LAMTOR2: variants seen among roughly 807,000 people sequenced by gnomAD.
The protein encoded by LAMTOR2 is ragulator complex protein LAMTOR2.
A neutral mutation model predicts 15.8 loss-of-function variants in LAMTOR2; 4 were observed. The ratio of observed to expected loss-of-function variants is 0.25; its 90% confidence interval spans 0.12 to 0.58. The LOEUF is 0.58. Ranked by LOEUF, LAMTOR2 falls within the 20% of genes least tolerant of loss-of-function variation. The pLI, the probability that LAMTOR2 is intolerant of heterozygous loss-of-function variation, is 0.91. For missense variants in LAMTOR2, 100 were observed against 161.0 expected, an observed-to-expected ratio of 0.62 and a Z score of 2.05; for synonymous variants, 62 against 64.1, an observed-to-expected ratio of 0.97 and a Z score of 0.15.
rs984790279 is a variant in LAMTOR2, at chr1:156,056,600, G to A, written c.231+1175G>A. On this transcript the variant is annotated intron_variant, in intron 2 of 3. Coordinates refer to ENST00000368305, the MANE Select transcript of LAMTOR2 (RefSeq NM_014017.4). ...CTGGAGTTACGTGAGATGGAGGAGG[G>A]TAGTAGGAGATGAGGTCAGAGAGGC... is the stretch of plus-strand genomic sequence containing the variant. Among the ~76,000 whole-genome samples the A allele has an allele frequency of 3.9e-5, 6 of 152,292 alleles. No individual in the cohort carries two copies. In the East Asian group the frequency reaches 1.2e-3, roughly 29 times the overall value.
At chr1:156,057,451 T>A (rs939855375) in intron 2 of LAMTOR2, among the ~76,000 whole-genome samples, 3 of 152,156 alleles carry the variant, frequency 2.0e-5, no homozygotes, top group Non-Finnish European at 4.4e-5. Flanking sequence ...CTTTTCCTAC[T>A]ACATGTAATA....
Position 156,058,409 on chromosome 1 carries a change from A to G in LAMTOR2, c.*38A>G, listed in dbSNP as rs1647443408. The G allele has an allele frequency of 1.2e-6, 2 of 1,612,492 alleles. No homozygotes were observed. The highest frequency in any genetic ancestry group is 1.7e-5 in the Admixed American group (1 of 59,960). ...AAGCTGGGGTCAGAAAAGAGAAATG[A>G]CCATTTGGAGGGGCGGGGCCTCCTA... On this transcript the variant is annotated 3_prime_UTR_variant, in exon 4 of 4. Transcript: ENST00000368305.
Position 156,054,860 on chromosome 1 carries a change from T to A in LAMTOR2, c.-30T>A. ...GCGGGAGGCACCTCGGAGATCTGGG[T>A]GCAAAAGCCCAGGGTTAGGAACCGT... On this transcript the variant is annotated 5_prime_UTR_variant, in exon 1 of 4. Coordinates refer to ENST00000368305, the MANE Select transcript of LAMTOR2 (RefSeq NM_014017.4). 1 of 1,610,402 alleles carries A rather than the reference T, an allele frequency of 6.2e-7. No individual in the cohort carries two copies.
In LAMTOR2 at chr1:156,058,062, G is replaced by A; in HGVS notation, c.316G>A (p.Ala106Thr). The A allele has an allele frequency of 6.2e-7, 1 of 1,614,128 alleles. No homozygotes were observed. Among genetic ancestry groups the A allele is most frequent in the Non-Finnish European group, 8.5e-7 (1 of 1,179,998 alleles). Residue 106 changes from alanine (A) to threonine (T), a missense_variant, in exon 3 of 4, where the codon GCC (alanine) becomes ACC (threonine). Physicochemically the swap from Ala to Thr is moderately conservative, Grantham distance 58. Transcript: ENST00000368305. ...KETVGFGMLK[A>T]KAQALVQYLE... ...GACCGTGGGCTTTGGAATGCTCAAG[G>A]CCAAGGTGTGTATGTGCCCATCCCT...
At position 156,055,016 on chromosome 1, in the gene LAMTOR2, C is replaced by G; in HGVS notation, c.68+59C>G. On this transcript the variant is annotated intron_variant, in intron 1 of 3. Transcript: ENST00000368305. This position sits in a 1 kb window ranked among gnomAD's most constrained non-coding sequence, Gnocchi z 4.8. ...CTGCAGTGGGGCGGCGCGCGGCTCC[C>G]TGAGGGAGGGGTGGGGAAGGATCAC... is the stretch of plus-strand genomic sequence containing the variant. 6.4e-7 allele frequency: 1 copy of G among 1,554,936 alleles called. No homozygotes were observed.
chr1:156,057,825 G>T (rs1183790419), intron 2 of LAMTOR2, among the ~76,000 whole-genome samples, 153 bp from the exon 3 acceptor site: 1 of 152,150 alleles, frequency 6.6e-6, no homozygotes, highest in Non-Finnish European at 1.5e-5. Flanking sequence ...CCATGTTCAG[G>T]GCTGTGGCCA....
Position 156,058,190 on chromosome 1 carries a change from G to A in LAMTOR2, c.321+123G>A, listed in dbSNP as rs1156319009. ...TCTACTCAGTCCATTTCTGGTGTGGGCCAGCTCCCAAGAGCAGGTGGGGGT... is the reference window on the plus strand; with the variant it reads ...TCTACTCAGTCCATTTCTGGTGTGGACCAGCTCCCAAGAGCAGGTGGGGGT... On this transcript the variant is annotated intron_variant, in intron 3 of 3. Coordinates refer to ENST00000368305, the MANE Select transcript of LAMTOR2 (RefSeq NM_014017.4). 3.3e-6 allele frequency: 5 copies of A among 1,501,448 alleles called. No homozygotes were observed. In the South Asian group the frequency reaches 5.6e-5, roughly 17 times the overall value. The allele number at this position is 1,501,448 out of a possible 1,614,324, so 93.0% of individuals were successfully genotyped here.
intron 2 of LAMTOR2, among the ~76,000 whole-genome samples, chr1:156,056,343 A>T (rs1647364661): frequency 6.6e-6 from 1 of 152,196 alleles, no homozygotes; most frequent in African/African-American, 2.4e-5. Context: ...TATATTAGGT[A>T]TTGAAAATGC....
At chr1:156,057,252 G>A (rs964769369) in intron 2 of LAMTOR2, among the ~76,000 whole-genome samples, 1 of 151,758 alleles carries the variant, frequency 6.6e-6, no homozygotes, top group African/African-American at 2.4e-5. Context: ...CAACACTTTG[G>A]GAGGCTGAGG....
At chr1:156,057,309 C>T (rs1647406771) in intron 2 of LAMTOR2, among the ~76,000 whole-genome samples, 1 of 151,656 alleles carries the variant, frequency 6.6e-6, no homozygotes, top group Non-Finnish European at 1.5e-5. Flanking sequence ...CCTTGGTGAC[C>T]TAATAAGACC....
Position 156,055,822 on chromosome 1 carries a change from G to A in LAMTOR2, c.231+397G>A, listed in dbSNP as rs981298102. 2.8e-5 allele frequency: 7 copies of A among 251,326 alleles called. No individual in the cohort carries two copies. Among genetic ancestry groups the A allele is most frequent in the African/African-American group, 6.6e-5 (3 of 45,734 alleles). The allele number at this position is 251,326 out of a possible 1,614,324, so 15.6% of individuals were successfully genotyped here. A position where few individuals can be genotyped will look rare whatever the true frequency, so the allele number is the denominator to read the frequency against. ...GTAGAATGACGTGCAAACACAAAGTGTTGTCATCCCAGTTTCACCGACTCA... is the reference window on the plus strand; with the variant it reads ...GTAGAATGACGTGCAAACACAAAGTATTGTCATCCCAGTTTCACCGACTCA... On this transcript the variant is annotated intron_variant, in intron 2 of 3. Transcript: ENST00000368305. This position sits in a 1 kb window ranked among gnomAD's most constrained non-coding sequence, Gnocchi z 4.8.
chr1:156,055,472 C>G lies in LAMTOR2; in HGVS notation c.231+47C>G. On this transcript the variant is annotated intron_variant, in intron 2 of 3. Coordinates refer to ENST00000368305, the MANE Select transcript of LAMTOR2 (RefSeq NM_014017.4). The surrounding 1 kb of genome is among the most constrained non-coding windows in gnomAD (Gnocchi z 4.8). ...TTCCCCTGTCCCCCAAAGGGGATCC[C>G]AAGGGGGCGACCTGGACCCCATCCT... 1 of 1,609,470 alleles carries G rather than the reference C, an allele frequency of 6.2e-7. No homozygotes were observed. The highest frequency in any genetic ancestry group is 8.5e-7 in the Non-Finnish European group (1 of 1,176,280).
chr1:156,054,992 T>G, intron 1 of LAMTOR2, 35 bp downstream of exon 1: 1 of 1,599,090 alleles, frequency 6.3e-7, no homozygotes, highest in Non-Finnish European at 8.5e-7. Context: ...CGGCGAGCGC[T>G]GCAGTGGGGC....
Position 156,055,186 on chromosome 1 carries a change from G to T in LAMTOR2, c.69-77G>T, listed in dbSNP as rs1647297167. On this transcript the variant is annotated intron_variant, in intron 1 of 3. Coordinates refer to ENST00000368305, the MANE Select transcript of LAMTOR2 (RefSeq NM_014017.4). This position sits in a 1 kb window ranked among gnomAD's most constrained non-coding sequence, Gnocchi z 4.8. Reference sequence around the variant, plus strand: ...CAGAGCCTTGCTGGATGTGCCCTTGGTGGGACTTGGGATGGAAACCCAGAC... The same window carrying T: ...CAGAGCCTTGCTGGATGTGCCCTTGTTGGGACTTGGGATGGAAACCCAGAC... The T allele has an allele frequency of 6.3e-7, 1 of 1,586,812 alleles. No homozygotes were observed. Among genetic ancestry groups the T allele is most frequent in the Admixed American group, 1.7e-5 (1 of 59,914 alleles).
At position 156,055,002 on chromosome 1, in the gene LAMTOR2, C is replaced by A; in HGVS notation, c.68+45C>A. 6.3e-7 allele frequency: 1 copy of A among 1,580,618 alleles called. No individual in the cohort carries two copies. Among genetic ancestry groups the A allele is most frequent in the Non-Finnish European group, 8.6e-7 (1 of 1,156,620 alleles). On this transcript the variant is annotated intron_variant, in intron 1 of 3. Transcript: ENST00000368305. The surrounding 1 kb of genome is among the most constrained non-coding windows in gnomAD (Gnocchi z 4.8). ...CCGAGCGGCGAGCGCTGCAGTGGGG[C>A]GGCGCGCGGCTCCCTGAGGGAGGGG...
Position 156,055,870 on chromosome 1 carries a change from C to T in LAMTOR2, c.231+445C>T, listed in dbSNP as rs1230381155. The T allele has an allele frequency of 9.0e-6, 2 of 221,516 alleles. No homozygotes were observed. The highest frequency in any genetic ancestry group is 1.0e-4 in the Admixed American group (2 of 19,644). The allele number at this position is 221,516 out of a possible 1,614,324, so 13.7% of individuals were successfully genotyped here. A position where few individuals can be genotyped will look rare whatever the true frequency, so the allele number is the denominator to read the frequency against. ...TCACAGAACCATGGCAGTCTCCAGACCCTAGTCCAACCCCTTAAGCTTTCA... is the reference window on the plus strand; with the variant it reads ...TCACAGAACCATGGCAGTCTCCAGATCCTAGTCCAACCCCTTAAGCTTTCA... On this transcript the variant is annotated intron_variant, in intron 2 of 3. Transcript: ENST00000368305. This position sits in a 1 kb window ranked among gnomAD's most constrained non-coding sequence, Gnocchi z 4.8.
chr1:156,055,410 C>T lies in LAMTOR2; in HGVS notation c.216C>T (p.Ile72=), dbSNP rs200455260. The T allele has an allele frequency of 1.7e-5, 28 of 1,614,216 alleles. No homozygotes were observed. Among genetic ancestry groups the T allele is most frequent in the Middle Eastern group, 1.6e-4 (1 of 6,062 alleles). Residue 72 remains isoleucine, a synonymous_variant, in exon 2 of 4, where the codon ATC becomes ATT. Transcript: ENST00000368305. The surrounding 1 kb of genome is among the most constrained non-coding windows in gnomAD (Gnocchi z 4.8). ...TTAATGAAGACAATCTCAAATTCAT[C>T]CTCATGGACTGCATGGTATGGAGAG... is the stretch of plus-strand genomic sequence containing the variant. The part of the protein sequence containing the change: ...QAFNEDNLKF[I]LMDCMEGRVA...
In LAMTOR2 at chr1:156,055,063, A is replaced by AG; in HGVS notation, c.68+111dup. 7.0e-7 allele frequency: 1 copy of AG among 1,418,508 alleles called. No homozygotes were observed. The highest frequency in any genetic ancestry group is 1.2e-5 in the South Asian group (1 of 85,876). 87.9% of individuals were successfully genotyped at this position (1,418,508 alleles called of 1,614,324 possible). Reference sequence around the variant, plus strand: ...TCACCAGGAAGGGAGGAAGCGGCAGAGGGGGCAGCGGCTGGGGATACCGGC... The same window carrying AG: ...TCACCAGGAAGGGAGGAAGCGGCAGAGGGGGGCAGCGGCTGGGGATACCGGC... On this transcript the variant is annotated intron_variant, in intron 1 of 3. Transcript: ENST00000368305. This position sits in a 1 kb window ranked among gnomAD's most constrained non-coding sequence, Gnocchi z 4.8.
intron 2 of LAMTOR2, among the ~76,000 whole-genome samples, chr1:156,056,821 G>T (rs1647385959): frequency 6.6e-6 from 1 of 152,156 alleles, no homozygotes; most frequent in Non-Finnish European, 1.5e-5. Flanking sequence ...CCTACTGGAT[G>T]CCTAGAGCTG....
Sources: allele counts gnomAD v4.1 joint callset (sites outside exome capture counted in the v4.1 genomes callset), GRCh38; gene constraint gnomAD v4.1.1; non-coding constraint Gnocchi (gnomAD v3.1); transcripts MANE v1.5; gene names NCBI Gene and HGNC (gene_info 2026-07-23, HGNC 2026-07-21).